The following TTLL5 variants were observed in gnomAD, a reference collection of about 807,000 sequenced individuals.
TTLL5 encodes the protein tubulin polyglutamylase TTLL5.
A neutral mutation model predicts 168.4 loss-of-function variants in TTLL5; 132 were observed. The observed-to-expected ratio is 0.78, with a 90% CI of 0.68 to 0.91. TTLL5 has a LOEUF of 0.91. Ranked by LOEUF, TTLL5 falls within the 40% of genes least tolerant of loss-of-function variation. The pLI is 0.00. For missense variants in TTLL5, 1,545 were observed against 1,581.5 expected (o/e 0.98, Z 0.39); for synonymous variants, 546 against 558.6 (o/e 0.98, Z 0.32).
At chr14:75,832,966 T>C (rs1895664718) in intron 28 of TTLL5, among the ~76,000 whole-genome samples, 2 of 152,186 alleles carry the variant, frequency 1.3e-5, no homozygotes, top group African/African-American at 2.4e-5. Flanking sequence ...GGCAGCAGGC[T>C]TGTCCATCCA....
chr14:75,672,251 T>C lies in TTLL5; in HGVS notation c.181+2729T>C, dbSNP rs532976412. On this transcript the variant is annotated intron_variant, in intron 3 of 31. Transcript: ENST00000298832. Reference sequence around the variant, plus strand: ...GCTAGTATTTTATTTTATTTTGTTTTATTTTATTTTTTTGCGACGGAGTCT... The same window carrying C: ...GCTAGTATTTTATTTTATTTTGTTTCATTTTATTTTTTTGCGACGGAGTCT... 2.6e-5 allele frequency among the ~76,000 whole-genome samples: 4 copies of C among 152,322 alleles called. No individual in the cohort carries two copies. The East Asian group carries it at 7.7e-4, about 29-fold the overall frequency.
intron 27 of TTLL5, among the ~76,000 whole-genome samples, chr14:75,794,258 A>G (rs1892877634): frequency 6.6e-6 from 1 of 152,160 alleles, no homozygotes; most frequent in African/African-American, 2.4e-5. Flanking sequence ...TAGTGATAGA[A>G]TTATGGGAAG....
At chr14:75,670,405 G>A (rs1451055186) in intron 3 of TTLL5, among the ~76,000 whole-genome samples, 1 of 151,604 alleles carries the variant, frequency 6.6e-6, no homozygotes, top group Admixed American at 6.6e-5. Context: ...AAAGTCGTTT[G>A]GACACTTAAT....
chr14:75,711,789 T>TC (rs1335615069), intron 9 of TTLL5: 1 of 152,356 alleles, frequency 6.6e-6, no homozygotes, highest in African/African-American at 2.4e-5. Flanking sequence ...AGTTCCTTCT[T>TC]CAGTAGCCTT....
chr14:75,702,593 C>T (rs1387611914), intron 7 of TTLL5, among the ~76,000 whole-genome samples: 2 of 152,168 alleles, frequency 1.3e-5, no homozygotes, highest in African/African-American at 4.8e-5. Context: ...AAAAGTTAAA[C>T]TTTCCTTGGT....
intron 29 of TTLL5, among the ~76,000 whole-genome samples, chr14:75,874,770 T>G (rs1224789615): frequency 1.3e-5 from 2 of 152,118 alleles, no homozygotes; most frequent in Non-Finnish European, 2.9e-5. Flanking sequence ...ACAACACTAT[T>G]CTTAAAAAGC....
At chr14:75,870,516 T>A (rs909209) in intron 29 of TTLL5, among the ~76,000 whole-genome samples, 136,317 of 152,212 alleles carry the variant, frequency 0.9, 61,212 homozygotes, top group African/African-American at 0.95. Flanking sequence ...AAGTAATGGG[T>A]TTAGCACCTA....
intron 3 of TTLL5, among the ~76,000 whole-genome samples, chr14:75,672,816 A>G (rs910753045): frequency 6.6e-6 from 1 of 152,156 alleles, no homozygotes; most frequent in African/African-American, 2.4e-5. Context: ...TTCTTTTACA[A>G]TCCTTTTCAT....
chr14:75,816,269 A>G (rs1894387829), intron 27 of TTLL5, among the ~76,000 whole-genome samples: 1 of 152,236 alleles, frequency 6.6e-6, no homozygotes, highest in South Asian at 2.1e-4. Flanking sequence ...TACTAAAAAT[A>G]CAAAAATTAG....
chr14:75,662,678 T>A (rs1242879670), intron 1 of TTLL5, among the ~76,000 whole-genome samples: 1 of 152,146 alleles, frequency 6.6e-6, no homozygotes, highest in Non-Finnish European at 1.5e-5. Flanking sequence ...TTATTTATTT[T>A]TAACCCAGGC....
intron 27 of TTLL5, among the ~76,000 whole-genome samples, chr14:75,811,156 A>AGAGAGAGTGTGTGTGT (rs60194482): frequency 6.0e-5 from 7 of 116,532 alleles, no homozygotes; most frequent in African/African-American, 1.7e-4. Context: ...TGAAAGAAAG[A>AGAGAGAGTGTGTGTGT]GTGTGTGTGT....
At chr14:75,716,985 A>G (rs1594917734) in intron 9 of TTLL5, among the ~76,000 whole-genome samples, 1 of 151,912 alleles carries the variant, frequency 6.6e-6, no homozygotes, top group African/African-American at 2.4e-5. Context: ...TAATGCTGTC[A>G]TTATCATTCT....
At position 75,665,824 on chromosome 14, in the gene TTLL5, C is replaced by T. The variant is rs184902171; in HGVS notation, c.74+2601C>T. On this transcript the variant is annotated intron_variant, in intron 2 of 31. Coordinates refer to ENST00000298832, the MANE Select transcript of TTLL5 (RefSeq NM_015072.5). ...CCGAGATTGTGCCACTGTGCTCCAG[C>T]CTGGGAGACAGAGTGAGACTCCGTC... is the stretch of plus-strand genomic sequence containing the variant. 6.2e-4 allele frequency among the ~76,000 whole-genome samples: 94 copies of T among 152,256 alleles called. 1 individual carries two copies. The highest frequency in any genetic ancestry group is 6.1e-3 in the Admixed American group (94 of 15,300).
chr14:75,696,991 C>G (rs1450701588), intron 6 of TTLL5, among the ~76,000 whole-genome samples: 1 of 152,038 alleles, frequency 6.6e-6, no homozygotes, highest in African/African-American at 2.4e-5. Context: ...GGTCTTCTGC[C>G]AGTTTTTGTG....
intron 6 of TTLL5, among the ~76,000 whole-genome samples, chr14:75,693,118 C>G (rs1885578118): frequency 6.6e-6 from 1 of 151,986 alleles, no homozygotes; most frequent in Non-Finnish European, 1.5e-5. Flanking sequence ...GCATGTGTCT[C>G]CTGAAAGAGG....
At chr14:75,903,096 G>T (rs1189609986) in intron 31 of TTLL5, among the ~76,000 whole-genome samples, 1 of 152,168 alleles carries the variant, frequency 6.6e-6, no homozygotes, top group Non-Finnish European at 1.5e-5. Context: ...CACTGAACAG[G>T]CACATAATGT....
At chr14:75,674,639 G>T (rs1489316214) in intron 3 of TTLL5, among the ~76,000 whole-genome samples, 2 of 152,006 alleles carry the variant, frequency 1.3e-5, no homozygotes, top group Non-Finnish European at 2.9e-5. Context: ...AAATGGGATT[G>T]TATTTTAGAG....
intron 31 of TTLL5, among the ~76,000 whole-genome samples, chr14:75,934,538 G>A (rs969242670): frequency 2.0e-5 from 3 of 152,098 alleles, no homozygotes; most frequent in African/African-American, 7.2e-5. Flanking sequence ...CATTTTAATG[G>A]ACTAGATTGA....
chr14:75,717,359 C>T (rs1594918287), intron 9 of TTLL5, among the ~76,000 whole-genome samples: 1 of 152,318 alleles, frequency 6.6e-6, no homozygotes, highest in East Asian at 1.9e-4. Context: ...AAGCAATCCT[C>T]CTGCCTCGGC....
Sources: gnomAD v4.1 joint callset for allele counts (sites outside exome capture counted in the v4.1 genomes callset) on GRCh38, gnomAD v4.1.1 for gene constraint, MANE v1.5 for transcripts, NCBI Gene and HGNC (gene_info 2026-07-23, HGNC 2026-07-21) for gene names.